Variants in SPATA6 observed in about 807,000 individuals in gnomAD.
SPATA6 encodes spermatogenesis-associated protein 6.
Under a neutral mutation model 65.3 loss-of-function variants are expected in SPATA6, and 56 were observed. The observed-to-expected ratio is 0.86, with a 90% CI of 0.69 to 1.07. SPATA6 has a LOEUF of 1.07. Ranked by LOEUF, SPATA6 falls within the 50% of genes least tolerant of loss-of-function variation. The pLI, the probability that SPATA6 is intolerant of heterozygous loss-of-function variation, is 0.00. For missense variants in SPATA6, 590 were observed against 594.8 expected (o/e 0.99, Z 0.08); for synonymous variants, 199 against 213.2 (o/e 0.93, Z 0.58).
intron 3 of SPATA6, among the ~76,000 whole-genome samples, chr1:48,446,642 G>A (rs759798945): frequency 2.6e-5 from 4 of 152,054 alleles, no homozygotes; most frequent in Non-Finnish European, 4.4e-5. Flanking sequence ...AATTTGGTTA[G>A]GTGCAATAAA....
chr1:48,414,683 G>A (rs1652594900), intron 3 of SPATA6, among the ~76,000 whole-genome samples: 1 of 152,152 alleles, frequency 6.6e-6, no homozygotes, highest in Non-Finnish European at 1.5e-5. Context: ...CTGATCATAG[G>A]ACTGTAGAAC....
intron 3 of SPATA6, among the ~76,000 whole-genome samples, chr1:48,424,598 C>T (rs750901108): frequency 1.4e-4 from 22 of 152,176 alleles, no homozygotes; most frequent in Non-Finnish European, 2.1e-4. Flanking sequence ...AATTTACATT[C>T]CCAGAAACAG....
chr1:48,346,338 A>G lies in SPATA6; in HGVS notation c.1194+9332T>C, dbSNP rs187548762. On this transcript the variant is annotated intron_variant, in intron 11 of 12. Coordinates refer to ENST00000371847, the MANE Select transcript of SPATA6 (RefSeq NM_019073.4). The stretch of plus-strand genomic sequence containing the variant: ...AGAGGAACATAACTCAAAATAATAA[A>G]AGCCATATACAACAAACTGACAGTC... 1.4e-3 allele frequency among the ~76,000 whole-genome samples: 211 copies of G among 152,140 alleles called. 1 individual carries two copies. Among genetic ancestry groups the G allele is most frequent in the African/African-American group, 4.8e-3 (201 of 41,542 alleles).
chr1:48,328,013 C>A (rs1645813349), intron 11 of SPATA6, among the ~76,000 whole-genome samples: 1 of 151,948 alleles, frequency 6.6e-6, no homozygotes. Context: ...AAAAGACAAC[C>A]ACATTTTTAA....
At chr1:48,447,254 C>A (rs1656144190) in intron 3 of SPATA6, among the ~76,000 whole-genome samples, 1 of 152,146 alleles carries the variant, frequency 6.6e-6, no homozygotes, top group South Asian at 2.1e-4. Context: ...CACGGTGGCT[C>A]ATGCCTGTAA....
chr1:48,461,764 A>G (rs977102368), intron 1 of SPATA6, among the ~76,000 whole-genome samples: 12 of 152,182 alleles, frequency 7.9e-5, no homozygotes, highest in African/African-American at 2.7e-4. Flanking sequence ...AACTAGTTCA[A>G]CCATTGTGGA....
chr1:48,447,627 A>C (rs1656185185), intron 3 of SPATA6, among the ~76,000 whole-genome samples: 2 of 152,204 alleles, frequency 1.3e-5, no homozygotes, highest in Non-Finnish European at 1.5e-5. Flanking sequence ...AGTGCACTGG[A>C]ACATCCTCAA....
Position 48,298,900 on chromosome 1 carries a change from A to G in SPATA6, c.1287-7T>C, listed in dbSNP as rs1644863797. On this transcript the variant is annotated splice_region_variant and splice_polypyrimidine_tract_variant and intron_variant, in intron 12 of 12. Coordinates refer to ENST00000371847, the MANE Select transcript of SPATA6 (RefSeq NM_019073.4). ...ACGTGGCTGCTGACATGAGCTATAA[A>G]AAGGGATATAAAAGGTTCAAAACAA... The G allele has an allele frequency of 3.1e-6, 5 of 1,608,862 alleles. No individual in the cohort carries two copies. The East Asian group carries it at 1.1e-4, about 36-fold the overall frequency.
At chr1:48,471,627 A>C (rs575473668) in intron 1 of SPATA6, among the ~76,000 whole-genome samples, 1 of 152,222 alleles carries the variant, frequency 6.6e-6, no homozygotes, top group East Asian at 1.9e-4. Flanking sequence ...AGGAATGAAA[A>C]GCCCCCGCGC....
At chr1:48,311,187 C>T (rs1455820058) in intron 11 of SPATA6, among the ~76,000 whole-genome samples, 1 of 151,930 alleles carries the variant, frequency 6.6e-6, no homozygotes, top group Non-Finnish European at 1.5e-5. Flanking sequence ...AAACCAAATC[C>T]AAAACAAGTA....
chr1:48,452,388 T>A (rs1185398494), intron 2 of SPATA6, among the ~76,000 whole-genome samples: 1 of 86,834 alleles, frequency 1.2e-5, no homozygotes, highest in Admixed American at 1.4e-4. Flanking sequence ...TCATATATTC[T>A]TTTTTTTTTT....
intron 3 of SPATA6, among the ~76,000 whole-genome samples, chr1:48,415,738 GA>G (rs1018783689): frequency 6.7e-4 from 87 of 130,146 alleles, no homozygotes; most frequent in Middle Eastern, 4.0e-3. Flanking sequence ...AGAAGAAACA[GA>G]AAAAAAAAAA....
intron 9 of SPATA6, among the ~76,000 whole-genome samples, chr1:48,368,802 A>G (rs978670451): frequency 6.6e-6 from 1 of 152,174 alleles, no homozygotes; most frequent in Non-Finnish European, 1.5e-5. Context: ...ACTCGTCAAC[A>G]TCATTCTCCG....
At chr1:48,429,667 C>A (rs1443462944) in intron 3 of SPATA6, among the ~76,000 whole-genome samples, 3 of 152,110 alleles carry the variant, frequency 2.0e-5, no homozygotes, top group African/African-American at 4.8e-5. Context: ...GTGGAAAAGA[C>A]CTTATGGCAG....
the SPATA6 span, among the ~76,000 whole-genome samples, chr1:48,277,543 G>A: frequency 1.1e-3 from 166 of 152,320 alleles, no homozygotes; most frequent in African/African-American, 3.8e-3. Context: ...CACTTGGCTC[G>A]GAGGGTCCTA....
Position 48,437,802 on chromosome 1 carries a change from A to T in SPATA6, c.238+13750T>A, listed in dbSNP as rs578006187. On this transcript the variant is annotated intron_variant, in intron 3 of 12. Coordinates refer to ENST00000371847, the MANE Select transcript of SPATA6 (RefSeq NM_019073.4). ...AGAAATTGTAATTTGCTTTTTTTTA[A>T]AAAAGGGGGCTAAAGTAACACTTTC... is the stretch of plus-strand genomic sequence containing the variant. 1.8e-4 allele frequency among the ~76,000 whole-genome samples: 25 copies of T among 139,624 alleles called. No individual in the cohort carries two copies. The East Asian group carries it at 4.2e-3, about 24-fold the overall frequency. 91.6% of individuals were successfully genotyped at this position (139,624 alleles called of 152,430 possible).
the SPATA6 span, among the ~76,000 whole-genome samples, chr1:48,281,255 T>A: frequency 1.3e-5 from 2 of 151,310 alleles, no homozygotes; most frequent in African/African-American, 4.9e-5. Flanking sequence ...CTGGAAGCAT[T>A]CCCTTTGAAA....
chr1:48,465,718 C>T (rs761277126), intron 1 of SPATA6, among the ~76,000 whole-genome samples: 4 of 152,098 alleles, frequency 2.6e-5, no homozygotes, highest in Non-Finnish European at 4.4e-5. Context: ...AGATGATAAA[C>T]ATCCCACACT....
chr1:48,340,709 T>C (rs1315654157), intron 11 of SPATA6, among the ~76,000 whole-genome samples: 1 of 152,032 alleles, frequency 6.6e-6, no homozygotes, highest in Non-Finnish European at 1.5e-5. Flanking sequence ...AGTAATTAAA[T>C]GATTACAGTA....
Sources: gnomAD v4.1 joint callset for allele counts (sites outside exome capture counted in the v4.1 genomes callset) on GRCh38, gnomAD v4.1.1 for gene constraint, MANE v1.5 for transcripts, NCBI Gene and HGNC (gene_info 2026-07-23, HGNC 2026-07-21) for gene names.